Variants in PHKB observed in about 807,000 individuals in gnomAD.
PHKB encodes the protein phosphorylase b kinase regulatory subunit beta.
In PHKB, 122 loss-of-function variants were observed where a neutral mutation model predicts 152.1. The observed-to-expected ratio is 0.80, with a 90% confidence interval of 0.69 to 0.93. The LOEUF is 0.93. Among genes scored for constraint, PHKB ranks in the 40% least tolerant of loss-of-function variants. The pLI is 0.00. For missense variants in PHKB, 1,304 were observed against 1,328.4 expected, an observed-to-expected ratio of 0.98 and a Z score of 0.29; for synonymous variants, 436 against 464.9, an observed-to-expected ratio of 0.94 and a Z score of 0.80.
intron 14 of PHKB, among the ~76,000 whole-genome samples, chr16:47,639,645 AG>A (rs1161222990): frequency 6.6e-6 from 1 of 152,240 alleles, no homozygotes; most frequent in African/African-American, 2.4e-5. Flanking sequence ...TATCCTAAAC[AG>A]GCCTATGATT....
intron 6 of PHKB, among the ~76,000 whole-genome samples, chr16:47,528,590 A>G (rs1396827810): frequency 6.6e-6 from 1 of 152,086 alleles, no homozygotes; most frequent in Non-Finnish European, 1.5e-5. Flanking sequence ...AACATGGAGA[A>G]TGAGAATGTA....
chr16:47,691,256 A>G (rs1974054652), intron 27 of PHKB, among the ~76,000 whole-genome samples: 1 of 152,234 alleles, frequency 6.6e-6, no homozygotes, highest in African/African-American at 2.4e-5. Context: ...CTCAGGAGAC[A>G]CGGAAACTAA....
At chr16:47,550,253 G>A (rs1971248541) in intron 7 of PHKB, among the ~76,000 whole-genome samples, 1 of 152,244 alleles carries the variant, frequency 6.6e-6, no homozygotes, top group Non-Finnish European at 1.5e-5. Flanking sequence ...CTGTGCTTAG[G>A]CCTGTGTAGT....
chr16:47,602,800 C>G (rs1242104162), intron 13 of PHKB, among the ~76,000 whole-genome samples: 1 of 152,010 alleles, frequency 6.6e-6, no homozygotes, highest in Admixed American at 6.5e-5. Context: ...ATGGTTCTTC[C>G]ACTTTCTGTT....
chr16:47,482,018 C>A (rs1029065787), intron 1 of PHKB, among the ~76,000 whole-genome samples: 6 of 152,202 alleles, frequency 3.9e-5, no homozygotes, highest in Non-Finnish European at 7.4e-5. Flanking sequence ...CAGTTTCTCT[C>A]TTTTACTTGA....
At chr16:47,617,359 CATT>C (rs1353129630) in intron 14 of PHKB, among the ~76,000 whole-genome samples, 1 of 151,360 alleles carries the variant, frequency 6.6e-6, no homozygotes, top group Non-Finnish European at 1.5e-5. Context: ...TACAATGTAT[CATT>C]GTAGCTATTG....
intron 1 of PHKB, among the ~76,000 whole-genome samples, chr16:47,475,887 A>G (rs1969859801): frequency 6.6e-6 from 1 of 152,018 alleles, no homozygotes; most frequent in Non-Finnish European, 1.5e-5. Flanking sequence ...TTATTTTTAG[A>G]GTCAGGATCT....
At chr16:47,557,054 A>G (rs553847497) in intron 7 of PHKB, among the ~76,000 whole-genome samples, 1 of 152,316 alleles carries the variant, frequency 6.6e-6, no homozygotes, top group African/African-American at 2.4e-5. Context: ...AATGGAACAG[A>G]ACAGAGCCCT....
chr16:47,624,928 C>G (rs1972682708), intron 14 of PHKB, among the ~76,000 whole-genome samples: 1 of 152,240 alleles, frequency 6.6e-6, no homozygotes, highest in Non-Finnish European at 1.5e-5. Context: ...AGATGCCAGT[C>G]TATTTGACTT....
chr16:47,507,423 C>A (rs1472515859), intron 4 of PHKB, among the ~76,000 whole-genome samples: 5 of 152,080 alleles, frequency 3.3e-5, no homozygotes, highest in Non-Finnish European at 7.4e-5. Flanking sequence ...GGTGTTTTGA[C>A]TTTATAATGG....
At chr16:47,531,529 A>G (rs1970861874) in intron 6 of PHKB, among the ~76,000 whole-genome samples, 1 of 152,238 alleles carries the variant, frequency 6.6e-6, no homozygotes, top group African/African-American at 2.4e-5. Context: ...AATCCATTAC[A>G]GGCTAACATA....
intron 25 of PHKB, among the ~76,000 whole-genome samples, chr16:47,667,007 T>C (rs900963243): frequency 2.0e-5 from 3 of 152,240 alleles, no homozygotes; most frequent in Non-Finnish European, 4.4e-5. Flanking sequence ...CCATTGGTCA[T>C]ATTTCAGGGC....
chr16:47,657,299 G>T (rs75681526), intron 20 of PHKB, among the ~76,000 whole-genome samples: 2 of 152,000 alleles, frequency 1.3e-5, no homozygotes, highest in South Asian at 4.1e-4. Context: ...ATTGTGCTCC[G>T]ACTGTAGGCA....
At chr16:47,466,286 A>C (rs1969667816) in intron 1 of PHKB, among the ~76,000 whole-genome samples, 1 of 152,248 alleles carries the variant, frequency 6.6e-6, no homozygotes, top group South Asian at 2.1e-4. Flanking sequence ...AAGAAATTCA[A>C]CAGCCAAAAT....
chr16:47,700,623 T>A lies in PHKB; in HGVS notation c.*1257T>A, dbSNP rs1210238890. The A allele has an allele frequency of 2.6e-5, 4 of 151,852 alleles. 1 individual carries two copies. The highest frequency in any genetic ancestry group is 5.9e-5 in the Non-Finnish European group (4 of 67,942). 9.4% of individuals were successfully genotyped at this position (151,852 alleles called of 1,614,324 possible). ...CAGTTTACTTAAACTTTAATGAAAGTAGAAAGTAGATTAAACATTTAAATT... is the reference window on the plus strand; with the variant it reads ...CAGTTTACTTAAACTTTAATGAAAGAAGAAAGTAGATTAAACATTTAAATT... On this transcript the variant is annotated 3_prime_UTR_variant, in exon 31 of 31. Transcript: ENST00000323584.
intron 25 of PHKB, among the ~76,000 whole-genome samples, 157 bp from the exon 26 acceptor site, chr16:47,669,058 A>C (rs2142079232): frequency 6.6e-6 from 1 of 152,276 alleles, no homozygotes; most frequent in Non-Finnish European, 1.5e-5. Flanking sequence ...ATGCTTTGAA[A>C]GCCATTTTAA....
chr16:47,668,028 A>G (rs1973569844), intron 25 of PHKB, among the ~76,000 whole-genome samples: 1 of 152,222 alleles, frequency 6.6e-6, no homozygotes, highest in Admixed American at 6.5e-5. Flanking sequence ...CATGGAGTCC[A>G]TTCTCTGACC....
At chr16:47,596,599 T>C in intron 13 of PHKB, 68 bp downstream of exon 13, 1 of 1,452,274 alleles carries the variant, frequency 6.9e-7, no homozygotes, top group South Asian at 1.2e-5. Flanking sequence ...AAATATGCCT[T>C]TGCTGGTGTT....
intron 6 of PHKB, among the ~76,000 whole-genome samples, chr16:47,528,886 G>A (rs766480815): frequency 6.6e-6 from 1 of 151,678 alleles, no homozygotes; most frequent in South Asian, 2.1e-4. Flanking sequence ...AGTAGAGATG[G>A]GGTTTCACCA....
Sources: allele counts gnomAD v4.1 joint callset (sites outside exome capture counted in the v4.1 genomes callset), GRCh38; gene constraint gnomAD v4.1.1; transcripts MANE v1.5; gene names NCBI Gene and HGNC (gene_info 2026-07-23, HGNC 2026-07-21).